Variants in ATP6V1A observed in about 807,000 individuals in gnomAD.
ATP6V1A encodes the protein V-type proton ATPase catalytic subunit A.
In ATP6V1A, 18 loss-of-function variants were observed where a neutral mutation model predicts 70.1. The observed-to-expected ratio is 0.26, with a 90% CI of 0.18 to 0.38. The LOEUF (loss-of-function observed/expected upper bound fraction) is 0.38. Ranked by LOEUF, ATP6V1A falls within the 10% of genes least tolerant of loss-of-function variation. The probability of loss-of-function intolerance (pLI) is 1.00; values close to 1 mark genes in which losing one functional copy is unlikely to be tolerated. For synonymous variants in ATP6V1A, 232 were observed against 253.8 expected (o/e 0.91, Z 0.82); for missense variants, 424 against 772.4 (o/e 0.55, Z 5.35).
chr3:113,780,567 T>C (rs1708966097), intron 2 of ATP6V1A, among the ~76,000 whole-genome samples: 1 of 152,248 alleles, frequency 6.6e-6, no homozygotes, highest in Non-Finnish European at 1.5e-5. Context: ...TTTTAAGAAC[T>C]ACTGCTATAA....
At chr3:113,789,183 G>A (rs1213434840) in intron 7 of ATP6V1A, among the ~76,000 whole-genome samples, 1 of 152,102 alleles carries the variant, frequency 6.6e-6, no homozygotes, top group Non-Finnish European at 1.5e-5. Flanking sequence ...GAGTAGCTGG[G>A]ATTACAGGTG....
Position 113,795,872 on chromosome 3 carries a change from T to G in ATP6V1A, c.1227-4T>G, listed in dbSNP as rs1709148660. ...TGTAATGACCATATTTTTTTTAAAT[T>G]TAGAGTTTCTCCACCTGGTGGTGAT... On this transcript the variant is annotated splice_region_variant and splice_polypyrimidine_tract_variant and intron_variant, in intron 10 of 14. Transcript: ENST00000273398. The G allele has an allele frequency of 1.2e-6, 2 of 1,606,372 alleles. No individual in the cohort carries two copies. Among genetic ancestry groups the G allele is most frequent in the East Asian group, 2.2e-5 (1 of 44,630 alleles).
At chr3:113,773,094 C>T (rs996619842) in intron 1 of ATP6V1A, among the ~76,000 whole-genome samples, 4 of 151,786 alleles carry the variant, frequency 2.6e-5, no homozygotes, top group South Asian at 2.1e-4. Context: ...CGCGACACCA[C>T]GCCCGGCTAA....
At position 113,809,544 on chromosome 3, in the gene ATP6V1A, T is replaced by A; in HGVS notation, c.*117T>A. On this transcript the variant is annotated 3_prime_UTR_variant, in exon 15 of 15. Coordinates refer to ENST00000273398, the MANE Select transcript of ATP6V1A (RefSeq NM_001690.4). ...CTTTATTGTGCAGCTTTGAGACTAG[T>A]GCCTATGTGTGTTATTTGTTTCCCT... The A allele has an allele frequency of 1.2e-6, 1 of 804,578 alleles. No individual in the cohort carries two copies. The highest frequency in any genetic ancestry group is 2.0e-6 in the Non-Finnish European group (1 of 509,856). The allele number at this position is 804,578 out of a possible 1,614,324, so 49.8% of individuals were successfully genotyped here.
chr3:113,759,291 T>TTG (rs1553707821), intron 1 of ATP6V1A, among the ~76,000 whole-genome samples: 2 of 151,396 alleles, frequency 1.3e-5, no homozygotes, highest in African/African-American at 4.8e-5. Context: ...TTACGGGTTT[T>TTG]TTTTTTTTTT....
At chr3:113,754,886 A>G (rs948153797) in intron 1 of ATP6V1A, among the ~76,000 whole-genome samples, 2 of 152,252 alleles carry the variant, frequency 1.3e-5, no homozygotes, top group East Asian at 1.9e-4. Flanking sequence ...TCTCCGTAGA[A>G]TACATCATTC....
intron 14 of ATP6V1A, among the ~76,000 whole-genome samples, chr3:113,808,743 G>A (rs758779225): frequency 6.6e-5 from 10 of 151,990 alleles, no homozygotes; most frequent in African/African-American, 1.7e-4. Context: ...TATATGAAGC[G>A]GCATAATTTC....
intron 14 of ATP6V1A, among the ~76,000 whole-genome samples, chr3:113,808,600 T>G (rs1709305937): frequency 6.6e-6 from 1 of 152,104 alleles, no homozygotes; most frequent in Non-Finnish European, 1.5e-5. Context: ...CTAAATTATC[T>G]TTTATACATA....
At position 113,794,869 on chromosome 3, in the gene ATP6V1A, T is replaced by C. The variant is rs777843890; in HGVS notation, c.989-3T>C. 50 of 1,599,104 alleles carry C rather than the reference T, an allele frequency of 3.1e-5. No individual in the cohort carries two copies. The highest frequency in any genetic ancestry group is 3.9e-5 in the Non-Finnish European group (46 of 1,176,274). On this transcript the variant is annotated splice_polypyrimidine_tract_variant and splice_region_variant and intron_variant, in intron 8 of 14. Transcript: ENST00000273398. ...ACTTATAATAATATTCTTCCCAATT[T>C]AGGAATCACACTGTCAGAGTACTTC...
Position 113,747,718 on chromosome 3 carries a change from G to A in ATP6V1A, c.-14+605G>A, listed in dbSNP as rs561436411. Among the ~76,000 whole-genome samples, 6 of 152,276 alleles carry A rather than the reference G, an allele frequency of 3.9e-5. No homozygotes were observed. The East Asian group carries it at 9.7e-4, about 25-fold the overall frequency. ...GGATGGGACTAGAAAAGTAAAAGAAGGGCTTTTACTTTTTCTTCTCTGCAG... is the reference window on the plus strand; with the variant it reads ...GGATGGGACTAGAAAAGTAAAAGAAAGGCTTTTACTTTTTCTTCTCTGCAG... On this transcript the variant is annotated intron_variant, in intron 1 of 14. Coordinates refer to ENST00000273398, the MANE Select transcript of ATP6V1A (RefSeq NM_001690.4).
chr3:113,784,441 A>G lies in ATP6V1A; in HGVS notation c.426+3A>G, dbSNP rs1448987638. ...TTACACCTTGCAAAAACCTACGGGT[A>G]TGTCTGTGTAACCAAGAATTTCTGA... On this transcript the variant is annotated splice_donor_region_variant and intron_variant, in intron 4 of 14. Coordinates refer to ENST00000273398, the MANE Select transcript of ATP6V1A (RefSeq NM_001690.4). 6 of 1,598,990 alleles carry G rather than the reference A, an allele frequency of 3.8e-6. No individual in the cohort carries two copies. Among genetic ancestry groups the G allele is most frequent in the East Asian group, 2.2e-5 (1 of 44,758 alleles).
intron 14 of ATP6V1A, among the ~76,000 whole-genome samples, chr3:113,807,849 G>T (rs965830165): frequency 1.2e-4 from 18 of 151,956 alleles, no homozygotes; most frequent in African/African-American, 4.3e-4. Context: ...ATTTCCAGTT[G>T]TTGGCCGGGC....
chr3:113,790,854 GA>G (rs1344467694), intron 8 of ATP6V1A, among the ~76,000 whole-genome samples: 2 of 152,104 alleles, frequency 1.3e-5, no homozygotes, highest in African/African-American at 2.4e-5. Context: ...TAGTTTGGCT[GA>G]GTATAAAATT....
At chr3:113,754,399 G>A (rs989193329) in intron 1 of ATP6V1A, among the ~76,000 whole-genome samples, 1 of 152,070 alleles carries the variant, frequency 6.6e-6, no homozygotes, top group African/African-American at 2.4e-5. Flanking sequence ...TGGGCACGAT[G>A]GCATGCACCT....
At chr3:113,752,918 TA>T (rs1293277926) in intron 1 of ATP6V1A, among the ~76,000 whole-genome samples, 1 of 152,160 alleles carries the variant, frequency 6.6e-6, no homozygotes, top group Non-Finnish European at 1.5e-5. Context: ...AAATTTCCTT[TA>T]TACAAACAAT....
At chr3:113,806,843 A>T (rs575046330) in intron 14 of ATP6V1A, among the ~76,000 whole-genome samples, 61 of 152,306 alleles carry the variant, frequency 4.0e-4, no homozygotes, top group Non-Finnish European at 7.4e-4. Context: ...ATTAGTAGGA[A>T]CTCAAATGTA....
rs1339900048 is a variant in ATP6V1A at position 113,811,664 on chromosome 3, T to C, written c.*2237T>C. The C allele has an allele frequency of 1.3e-5, 2 of 152,628 alleles. No homozygotes were observed. The highest frequency in any genetic ancestry group is 2.9e-5 in the Non-Finnish European group (2 of 68,036). The allele number at this position is 152,628 out of a possible 1,614,324, so 9.5% of individuals were successfully genotyped here. A position where few individuals can be genotyped will look rare whatever the true frequency, so the allele number is the denominator to read the frequency against. ...TTCTTATTCCCTTTAAGAATGTTTA[T>C]GTATGAGTGTGAAGATGCTAGCGAA... On this transcript the variant is annotated 3_prime_UTR_variant, in exon 15 of 15. Coordinates refer to ENST00000273398, the MANE Select transcript of ATP6V1A (RefSeq NM_001690.4).
At position 113,789,826 on chromosome 3, in the gene ATP6V1A, C is replaced by T. The variant is rs1453380124; in HGVS notation, c.974C>T (p.Ala325Val). Residue 325 changes from alanine to valine, a missense_variant, in exon 8 of 15, where the codon GCC becomes GTC. By Grantham distance (64) the Ala-to-Val change is moderately conservative. Around this residue, in one of 9 missense-constraint regions of ATP6V1A, gnomAD observed 58 missense variants for 181.5 expected, o/e 0.32. Coordinates refer to ENST00000273398, the MANE Select transcript of ATP6V1A (RefSeq NM_001690.4). ...TSNMPVAAREASIYTGITLSE... is the reference protein window; with the variant it reads ...TSNMPVAAREVSIYTGITLSE... ...AATATGCCTGTTGCTGCTAGAGAAG[C>T]CTCTATTTATACTGGTGAGTATATA... The T allele has an allele frequency of 6.2e-7, 1 of 1,601,878 alleles. No homozygotes were observed.
chr3:113,785,824 A>G (rs1042869588), intron 5 of ATP6V1A, among the ~76,000 whole-genome samples: 1 of 138,894 alleles, frequency 7.2e-6, no homozygotes. Context: ...CTTTACTTAT[A>G]TTTAACTATT....
Sources: gnomAD v4.1 joint callset for allele counts (sites outside exome capture counted in the v4.1 genomes callset) on GRCh38, gnomAD v4.1.1 for gene constraint, gnomAD v4.1.1 regional missense constraint, MANE v1.5 for transcripts, NCBI Gene and HGNC (gene_info 2026-07-23, HGNC 2026-07-21) for gene names.